The following MACROD2 variants were observed in gnomAD, a reference collection of about 807,000 sequenced individuals.
MACROD2 encodes the protein mono-ADP ribosylhydrolase 2, also known as ADP-ribose glycohydrolase MACROD2.
In MACROD2, 36 loss-of-function variants were observed where a neutral mutation model predicts 70.4. The observed-to-expected ratio is 0.51, with a 90% CI of 0.39 to 0.68. The LOEUF is 0.68. Ranked by LOEUF, MACROD2 falls within the 30% of genes least tolerant of loss-of-function variation. The pLI, the probability that MACROD2 is intolerant of heterozygous loss-of-function variation, is 0.00. For missense variants in MACROD2, 496 were observed against 538.4 expected, an observed-to-expected ratio of 0.92 and a Z score of 0.78; for synonymous variants, 172 against 178.8, an observed-to-expected ratio of 0.96 and a Z score of 0.30.
rs190240122 is a variant in MACROD2 at position 14,230,315 on chromosome 20, G to T, written c.271+144587G>T. On this transcript the variant is annotated intron_variant, in intron 3 of 17. Coordinates refer to ENST00000684519, the MANE Select transcript of MACROD2 (RefSeq NM_001351661.2). ...GGGTTCAGTCCTCTCAAACAGTACC[G>T]CTGCTTTATCAACTAAATTTGTGGG... Among the ~76,000 whole-genome samples, 15 of 152,156 alleles carry T rather than the reference G, an allele frequency of 9.9e-5. No individual in the cohort carries two copies. The East Asian group carries it at 2.9e-3, about 29-fold the overall frequency.
intron 16 of MACROD2, 74 bp from the exon 17 acceptor site, chr20:16,044,497 C>T (rs1207191764): frequency 1.6e-6 from 2 of 1,253,190 alleles, no homozygotes; most frequent in African/African-American, 1.5e-5. Context: ...AGTATCAAAT[C>T]ATGGGTCATT....
intron 3 of MACROD2, among the ~76,000 whole-genome samples, chr20:14,458,003 A>G (rs181090070): frequency 6.6e-6 from 1 of 151,992 alleles, no homozygotes; most frequent in Non-Finnish European, 1.5e-5. Flanking sequence ...TGGGAGGCTG[A>G]GGCAGGAGAA....
chr20:14,771,238 A>G (rs1041778690), intron 5 of MACROD2, among the ~76,000 whole-genome samples: 6 of 152,030 alleles, frequency 3.9e-5, no homozygotes, highest in Admixed American at 3.9e-4. Context: ...CTACACTACT[A>G]GCTTCCTGGG....
intron 12 of MACROD2, among the ~76,000 whole-genome samples, chr20:15,957,453 C>T (rs1601212370): frequency 3.3e-5 from 5 of 152,128 alleles, no homozygotes; most frequent in African/African-American, 1.2e-4. Flanking sequence ...CCACTTCATA[C>T]GTCTCTAGGT....
At chr20:15,235,120 A>G (rs190466380) in intron 6 of MACROD2, among the ~76,000 whole-genome samples, 17 of 152,346 alleles carry the variant, frequency 1.1e-4, no homozygotes, top group African/African-American at 3.8e-4. Context: ...ATGAAATACA[A>G]TGCACCCTGT....
At chr20:14,315,211 G>A (rs1478640598) in intron 3 of MACROD2, among the ~76,000 whole-genome samples, 1 of 152,232 alleles carries the variant, frequency 6.6e-6, no homozygotes, top group East Asian at 1.9e-4. Context: ...GTTATATTGG[G>A]CAAGTTGCTT....
At chr20:14,678,227 T>G (rs1389828067) in intron 4 of MACROD2, among the ~76,000 whole-genome samples, 1 of 152,128 alleles carries the variant, frequency 6.6e-6, no homozygotes, top group Non-Finnish European at 1.5e-5. Context: ...TTGTGCAGGA[T>G]TTTTATGGAC....
intron 10 of MACROD2, among the ~76,000 whole-genome samples, chr20:15,896,300 A>T (rs1318612119): frequency 6.6e-6 from 1 of 152,128 alleles, no homozygotes; most frequent in Non-Finnish European, 1.5e-5. Flanking sequence ...CCACCCTCAC[A>T]GGTACTACTG....
chr20:14,578,595 A>G (rs1241967194), intron 4 of MACROD2, among the ~76,000 whole-genome samples: 1 of 102,264 alleles, frequency 9.8e-6, no homozygotes, highest in African/African-American at 2.8e-5. Context: ...AATTTCAACA[A>G]CAGTGAACCT....
chr20:15,234,021 T>G (rs1601276015), intron 6 of MACROD2, among the ~76,000 whole-genome samples: 15 of 15,662 alleles, frequency 9.6e-4, no homozygotes, highest in Admixed American at 4.6e-3. Context: ...TCTTTTTTTT[T>G]TTTTTTTTTT....
intron 4 of MACROD2, among the ~76,000 whole-genome samples, chr20:14,600,330 A>ATG (rs1982401123): frequency 7.1e-6 from 1 of 140,086 alleles, no homozygotes; most frequent in South Asian, 2.3e-4. Context: ...GCAGCTACAT[A>ATG]TATATATATA....
At chr20:14,791,260 ATGTACTGCAAGAC>A (rs1172780316) in intron 5 of MACROD2, among the ~76,000 whole-genome samples, 1 of 152,134 alleles carries the variant, frequency 6.6e-6, no homozygotes, top group Non-Finnish European at 1.5e-5. Context: ...GAGACTCAGT[ATGTACTGCAAGAC>A]TGAAGAAATG....
At chr20:15,006,141 ATGTGTGTGTGTGTGTGTG>A (rs11473589) in intron 5 of MACROD2, among the ~76,000 whole-genome samples, 19 of 134,294 alleles carry the variant, frequency 1.4e-4, no homozygotes, top group African/African-American at 2.3e-4. Context: ...ATATATATAT[ATGTGTGTGTGTGTGTGTG>A]TGTGTGTGTG....
intron 5 of MACROD2, among the ~76,000 whole-genome samples, chr20:14,717,123 T>C (rs981538694): frequency 2.0e-5 from 3 of 152,176 alleles, no homozygotes; most frequent in African/African-American, 4.8e-5. Flanking sequence ...TCAACTAAAC[T>C]GCATATGAGA....
intron 5 of MACROD2, among the ~76,000 whole-genome samples, chr20:15,228,520 A>C (rs1601261097): frequency 8.6e-6 from 1 of 116,836 alleles, no homozygotes. Flanking sequence ...ATGGAGTCTC[A>C]CTCCGTCACT....
intron 8 of MACROD2, among the ~76,000 whole-genome samples, chr20:15,755,836 T>A (rs2051339805): frequency 6.6e-6 from 1 of 152,156 alleles, no homozygotes; most frequent in African/African-American, 2.4e-5. Flanking sequence ...GAGTGCCTCA[T>A]ACTGAATTAA....
intron 5 of MACROD2, among the ~76,000 whole-genome samples, chr20:15,011,976 G>A (rs1268780007): frequency 6.6e-6 from 1 of 152,166 alleles, no homozygotes; most frequent in Non-Finnish European, 1.5e-5. Context: ...GAGGGGAGAT[G>A]CAAACAAATA....
intron 3 of MACROD2, among the ~76,000 whole-genome samples, chr20:14,287,934 G>A (rs2082357675): frequency 6.6e-6 from 1 of 151,978 alleles, no homozygotes; most frequent in Non-Finnish European, 1.5e-5. Flanking sequence ...ATTCCTGAAG[G>A]ACAGATGTTA....
At position 14,050,087 on chromosome 20, in the gene MACROD2, C is replaced by CA. The variant is rs759223916; in HGVS notation, c.164-35517dup. On this transcript the variant is annotated intron_variant, in intron 2 of 17. Coordinates refer to ENST00000684519, the MANE Select transcript of MACROD2 (RefSeq NM_001351661.2). Reference sequence around the variant, plus strand: ...GGCAACAAGAGTGAAACTCCCATCTCAAAAAAAAAAAAAAAAAGCTCCAAA... The same window carrying CA: ...GGCAACAAGAGTGAAACTCCCATCTCAAAAAAAAAAAAAAAAAAGCTCCAAA... Among the ~76,000 whole-genome samples the CA allele has an allele frequency of 3.5e-3, 300 of 85,756 alleles. 2 individuals carry two copies. The highest frequency in any genetic ancestry group is 6.1e-3 in the African/African-American group (140 of 23,112). The allele number at this position is 85,756 out of a possible 152,430, so 56.3% of individuals were successfully genotyped here.
Sources: gnomAD v4.1 joint callset for allele counts (sites outside exome capture counted in the v4.1 genomes callset) on GRCh38, gnomAD v4.1.1 for gene constraint, MANE v1.5 for transcripts, NCBI Gene and HGNC (gene_info 2026-07-23, HGNC 2026-07-21) for gene names.